The following EYS variants were observed in gnomAD, a reference collection of about 807,000 sequenced individuals.
EYS encodes the protein EGF-like photoreceptor maintenance factor, also known as protein eyes shut homolog.
EYS carries 250 observed loss-of-function variants against 282.1 expected under a neutral mutation model. The ratio of observed to expected loss-of-function variants is 0.89; its 90% CI spans 0.80 to 0.98. EYS has a LOEUF of 0.98. Ranked by LOEUF, EYS falls within the 50% of genes least tolerant of loss-of-function variation. EYS has a pLI of 0.00. For missense variants in EYS, 4,016 were observed against 3,709.0 expected, an observed-to-expected ratio of 1.08 and a Z score of -2.15; for synonymous variants, 1,355 against 1,282.9, an observed-to-expected ratio of 1.06 and a Z score of -1.20.
At chr6:64,048,202 G>A (rs1018968402) in intron 33 of EYS, among the ~76,000 whole-genome samples, 2 of 152,222 alleles carry the variant, frequency 1.3e-5, no homozygotes, top group African/African-American at 4.8e-5. Context: ...CACTGCGCAC[G>A]GCCTTGATTT....
At chr6:63,961,538 A>G (rs1477660887) in intron 35 of EYS, among the ~76,000 whole-genome samples, 1 of 151,904 alleles carries the variant, frequency 6.6e-6, no homozygotes, top group African/African-American at 2.4e-5. Context: ...CTCTTTTCAG[A>G]CTCAGCCCGC....
At chr6:65,368,674 T>C (rs1190450023) in intron 8 of EYS, among the ~76,000 whole-genome samples, 1 of 151,726 alleles carries the variant, frequency 6.6e-6, no homozygotes, top group Non-Finnish European at 1.5e-5. Context: ...TATTAAAATA[T>C]ATCATAGAAC....
chr6:64,664,064 G>T (rs1381825492), intron 22 of EYS, among the ~76,000 whole-genome samples: 1 of 152,224 alleles, frequency 6.6e-6, no homozygotes, highest in Admixed American at 6.5e-5. Context: ...TAAGCGGCAG[G>T]TCTGCAACGC....
rs572189652 is a variant in EYS at position 65,495,320 on chromosome 6, C to T, written c.91G>A (p.Glu31Lys). Reference protein sequence around the residue: ...GKTCRRQLVEEWHPQPSSYVV... With the variant: ...GKTCRRQLVEKWHPQPSSYVV... The stretch of plus-strand genomic sequence containing the variant: ...TATGATGAGGGTTGTGGATGCCATT[C>T]TTCCACCAATTGCCGTCTACATGTT... Residue 31 changes from glutamate to lysine, a missense_variant, in exon 4 of 43, where the codon GAA becomes AAA. Coordinates refer to ENST00000503581, the MANE Select transcript of EYS (RefSeq NM_001142800.2). 258 of 1,614,034 alleles carry T rather than the reference C, an allele frequency of 1.6e-4. 5 individuals carry two copies. The South Asian group carries it at 2.6e-3, about 17-fold the overall frequency.
At chr6:65,202,695 G>T (rs1765932396) in intron 12 of EYS, among the ~76,000 whole-genome samples, 1 of 152,186 alleles carries the variant, frequency 6.6e-6, no homozygotes, top group Non-Finnish European at 1.5e-5. Context: ...GACAGCTGTG[G>T]TTTCTGCTGC....
chr6:64,368,104 C>T (rs1772239749), intron 29 of EYS, among the ~76,000 whole-genome samples: 4 of 152,056 alleles, frequency 2.6e-5, no homozygotes, highest in Non-Finnish European at 5.9e-5. Flanking sequence ...CCACCCTCCG[C>T]CTTCAAGTAG....
rs545665985 is a variant in EYS at position 65,601,518 on chromosome 6, TA to T, written c.-333+38259del. Among the ~76,000 whole-genome samples the T allele has an allele frequency of 5.5e-4, 83 of 151,972 alleles. 1 individual carries two copies. The highest frequency in any genetic ancestry group is 1.9e-3 in the African/African-American group (78 of 41,516). On this transcript the variant is annotated intron_variant, in intron 2 of 42. Coordinates refer to ENST00000503581, the MANE Select transcript of EYS (RefSeq NM_001142800.2). The stretch of plus-strand genomic sequence containing the variant: ...TTTTGTGAATATCTCAAAATATCGA[TA>T]ATAAGAAATGGGTCCTGTCAATCAA...
chr6:64,594,866 A>T (rs924763958), intron 24 of EYS, among the ~76,000 whole-genome samples: 6 of 149,840 alleles, frequency 4.0e-5, no homozygotes, highest in Admixed American at 2.0e-4. Flanking sequence ...AAAATTATAT[A>T]AAAAAAAGAA....
intron 35 of EYS, among the ~76,000 whole-genome samples, chr6:63,959,435 A>G (rs550506325): frequency 6.6e-6 from 1 of 152,350 alleles, no homozygotes; most frequent in East Asian, 1.9e-4. Flanking sequence ...TAGTTCAACC[A>G]TTGGGGAAGA....
At chr6:65,377,478 A>G (rs1279516409) in intron 8 of EYS, among the ~76,000 whole-genome samples, 1 of 152,142 alleles carries the variant, frequency 6.6e-6, no homozygotes, top group Non-Finnish European at 1.5e-5. Flanking sequence ...GAGAAGCAAG[A>G]GCAAACAAAT....
chr6:65,248,398 G>A (rs892736540), intron 12 of EYS, among the ~76,000 whole-genome samples: 7 of 152,074 alleles, frequency 4.6e-5, no homozygotes, highest in African/African-American at 1.2e-4. Flanking sequence ...GGAGATGGGG[G>A]TGCATGGAAG....
At chr6:64,916,545 T>C (rs2150078980) in intron 15 of EYS, among the ~76,000 whole-genome samples, 1 of 152,328 alleles carries the variant, frequency 6.6e-6, no homozygotes, top group South Asian at 2.1e-4. Context: ...TCAGAGAAGC[T>C]AGTGTTTGAT....
At chr6:64,158,875 T>C (rs917313588) in intron 31 of EYS, among the ~76,000 whole-genome samples, 4 of 152,240 alleles carry the variant, frequency 2.6e-5, no homozygotes, top group African/African-American at 7.2e-5. Context: ...GGTTAATTCA[T>C]TCATTAATTG....
chr6:65,372,764 A>G (rs1246493069), intron 8 of EYS, among the ~76,000 whole-genome samples: 2 of 152,076 alleles, frequency 1.3e-5, no homozygotes, highest in African/African-American at 4.8e-5. Flanking sequence ...TCCTTATGCC[A>G]CTTCAATTAT....
At chr6:64,470,850 C>T (rs1223558460) in intron 26 of EYS, among the ~76,000 whole-genome samples, 2 of 152,002 alleles carry the variant, frequency 1.3e-5, no homozygotes, top group African/African-American at 2.4e-5. Context: ...ATAAAGAGAA[C>T]AAATATTTGA....
chr6:64,087,567 C>A (rs1772199695), intron 31 of EYS, among the ~76,000 whole-genome samples: 1 of 152,082 alleles, frequency 6.6e-6, no homozygotes, highest in Non-Finnish European at 1.5e-5. Flanking sequence ...GTTTGATTCA[C>A]CTTTGATCCC....
Position 65,005,135 on chromosome 6 carries a change from T to C in EYS, c.2138-7432A>G, listed in dbSNP as rs370193016. On this transcript the variant is annotated intron_variant, in intron 13 of 42. Coordinates refer to ENST00000503581, the MANE Select transcript of EYS (RefSeq NM_001142800.2). Reference sequence around the variant, plus strand: ...CGTCCACCACTGCTGTTTGCCACTGTTGCAGACCAGCTGCTGACTTCCATC... The same window carrying C: ...CGTCCACCACTGCTGTTTGCCACTGCTGCAGACCAGCTGCTGACTTCCATC... 2.0e-4 allele frequency among the ~76,000 whole-genome samples: 30 copies of C among 148,026 alleles called. 8 individuals are homozygous for C. In the East Asian group the frequency reaches 4.7e-3, roughly 23 times the overall value.
Position 65,378,896 on chromosome 6 carries a change from C to T in EYS, c.1299+5490G>A, listed in dbSNP as rs186581644. On this transcript the variant is annotated intron_variant, in intron 8 of 42. Transcript: ENST00000503581. ...CCGGGGCCTGTCAGGGGGTGGGGGACTAGTGGAGGGATAACATTAGGAGAA... is the reference window on the plus strand; with the variant it reads ...CCGGGGCCTGTCAGGGGGTGGGGGATTAGTGGAGGGATAACATTAGGAGAA... 3.8e-4 allele frequency among the ~76,000 whole-genome samples: 57 copies of T among 151,848 alleles called. No homozygotes were observed. The East Asian group carries it at 0.01, about 27-fold the overall frequency.
intron 33 of EYS, among the ~76,000 whole-genome samples, chr6:64,010,399 G>T (rs538629526): frequency 6.6e-5 from 10 of 151,112 alleles, no homozygotes; most frequent in Non-Finnish European, 1.0e-4. Flanking sequence ...TGGTTGGGGG[G>T]GGGGGTGGTG....
Sources: allele counts gnomAD v4.1 joint callset (sites outside exome capture counted in the v4.1 genomes callset), GRCh38; gene constraint gnomAD v4.1.1; transcripts MANE v1.5; gene names NCBI Gene and HGNC (gene_info 2026-07-23, HGNC 2026-07-21).